The following VAV2 variants were observed in gnomAD, a reference collection of about 807,000 sequenced individuals.
The protein encoded by VAV2 is guanine nucleotide exchange factor VAV2.
In VAV2, 67 loss-of-function variants were observed where a neutral mutation model predicts 132.5. That is an observed-to-expected ratio of 0.51 (90% CI 0.42 to 0.62). The LOEUF is 0.62. Ranked by LOEUF, VAV2 falls within the 20% of genes least tolerant of loss-of-function variation. The pLI is 0.00. For missense variants in VAV2, 938 were observed against 1,153.6 expected (o/e 0.81, Z 2.71); for synonymous variants, 492 against 443.5 (o/e 1.11, Z -1.37).
chr9:133,851,114 C>T (rs1837151116), intron 3 of VAV2, among the ~76,000 whole-genome samples: 1 of 152,234 alleles, frequency 6.6e-6, no homozygotes, highest in East Asian at 1.9e-4. Flanking sequence ...GCTCTGCGGG[C>T]TTTAGGGGAT....
intron 4 of VAV2, among the ~76,000 whole-genome samples, chr9:133,822,500 C>T (rs539262276): frequency 2.0e-5 from 3 of 152,290 alleles, no homozygotes; most frequent in African/African-American, 7.2e-5. Flanking sequence ...GACAGACAGA[C>T]AAGAACCGCT....
intron 2 of VAV2, among the ~76,000 whole-genome samples, chr9:133,914,261 C>T (rs559723875): frequency 6.6e-6 from 1 of 152,130 alleles, no homozygotes; most frequent in South Asian, 2.1e-4. Context: ...CAATCCCGCT[C>T]CTGGGTATGT....
intron 12 of VAV2, among the ~76,000 whole-genome samples, chr9:133,793,818 CA>C (rs1383856454): frequency 6.6e-6 from 1 of 152,154 alleles, no homozygotes; most frequent in Non-Finnish European, 1.5e-5. Flanking sequence ...CGCTGCCGTA[CA>C]AGGAGTGAGC....
intron 3 of VAV2, among the ~76,000 whole-genome samples, chr9:133,845,627 CG>C (rs1564400601): frequency 6.6e-6 from 1 of 152,192 alleles, no homozygotes; most frequent in Non-Finnish European, 1.5e-5. Flanking sequence ...CCTAGTGTGA[CG>C]GGGCCTCACG....
In VAV2 at chr9:133,919,998, G is replaced by A. The variant is rs549114918; in HGVS notation, c.321+19105C>T. Among the ~76,000 whole-genome samples, 43 of 152,294 alleles carry A rather than the reference G, an allele frequency of 2.8e-4. No individual in the cohort carries two copies. The highest frequency in any genetic ancestry group is 8.2e-4 in the African/African-American group (34 of 41,564). ...GCACCTGTTCTCTGCGCTGAGCCAC[G>A]TGCCAGGAGGCCAGACAGGCCTGGG... On this transcript the variant is annotated intron_variant, in intron 2 of 29. Transcript: ENST00000371850. This position sits in a 1 kb window ranked among gnomAD's most constrained non-coding sequence, Gnocchi z 5.8.
Position 133,797,787 on chromosome 9 carries a change from A to C in VAV2, c.859T>G (p.Cys287Gly). 6.2e-7 allele frequency: 1 copy of C among 1,614,022 alleles called. No individual in the cohort carries two copies. Among genetic ancestry groups the C allele is most frequent in the South Asian group, 1.1e-5 (1 of 91,064 alleles). The change falls in exon 10 of 30, where the codon TGC becomes GGC. Residue 287 changes from cysteine (C) to glycine (G), a missense_variant. Coordinates refer to ENST00000371850, the MANE Select transcript of VAV2 (RefSeq NM_001134398.2). ...TTCTGGGCGTGCTCCATGTGGCTGCAGTACTCCCCGTAGATCAGAAGCCTG... is the reference window on the plus strand; with the variant it reads ...TTCTGGGCGTGCTCCATGTGGCTGCCGTACTCCCCGTAGATCAGAAGCCTG... ...KERLLIYGEY[C>G]SHMEHAQNTL...
chr9:133,859,027 C>A (rs377400895), intron 3 of VAV2, among the ~76,000 whole-genome samples: 5 of 152,108 alleles, frequency 3.3e-5, no homozygotes, highest in African/African-American at 1.2e-4. Flanking sequence ...CTGGGAGGAG[C>A]GGCAGCGTGA....
chr9:133,982,667 C>T (rs1842735610), intron 1 of VAV2, among the ~76,000 whole-genome samples: 1 of 152,006 alleles, frequency 6.6e-6, no homozygotes, highest in African/African-American at 2.4e-5. Flanking sequence ...TTGCAGGGCG[C>T]GCCGCCTGGT....
At chr9:133,882,569 T>C (rs1417786368) in intron 2 of VAV2, among the ~76,000 whole-genome samples, 1 of 152,078 alleles carries the variant, frequency 6.6e-6, no homozygotes, top group Non-Finnish European at 1.5e-5. Flanking sequence ...GGAGGCCATG[T>C]GAAGTCAGAT....
intron 1 of VAV2, among the ~76,000 whole-genome samples, chr9:133,953,310 A>C (rs981158184): frequency 6.6e-6 from 1 of 152,240 alleles, no homozygotes; most frequent in African/African-American, 2.4e-5. Context: ...GTGCCCCCCA[A>C]GCCCACCACA....
intron 5 of VAV2, 26 bp from the exon 6 acceptor site, chr9:133,810,231 A>T: frequency 1.9e-6 from 3 of 1,613,194 alleles, no homozygotes; most frequent in Non-Finnish European, 2.5e-6. Flanking sequence ...AAGAACCAGA[A>T]ACAGCGCCGG....
intron 16 of VAV2, among the ~76,000 whole-genome samples, chr9:133,786,366 G>A (rs1053221609): frequency 1.9e-5 from 2 of 106,056 alleles, no homozygotes; most frequent in Admixed American, 1.8e-4. Flanking sequence ...GTGCTCTCCT[G>A]TGTGTGCTCT....
intron 1 of VAV2, among the ~76,000 whole-genome samples, chr9:133,944,267 G>A (rs1452985846): frequency 2.0e-5 from 3 of 152,098 alleles, no homozygotes; most frequent in Admixed American, 6.6e-5. Flanking sequence ...TACTGGCAAC[G>A]GGTCACCGGC....
intron 2 of VAV2, among the ~76,000 whole-genome samples, chr9:133,900,763 CTTGATTTA>C (rs71499168): frequency 2.2e-5 from 3 of 136,600 alleles, no homozygotes; most frequent in Non-Finnish European, 3.1e-5. Flanking sequence ...TACCTCCTGT[CTTGATTTA>C]TTTATTTATT....
chr9:133,819,973 A>T (rs1835720700), intron 4 of VAV2, among the ~76,000 whole-genome samples: 1 of 152,264 alleles, frequency 6.6e-6, no homozygotes, highest in South Asian at 2.1e-4. Context: ...TTAGTAATTA[A>T]GATAAAAACC....
intron 1 of VAV2, among the ~76,000 whole-genome samples, chr9:133,978,242 T>C (rs956410559): frequency 1.3e-5 from 2 of 152,180 alleles, no homozygotes; most frequent in African/African-American, 2.4e-5. Context: ...ACCTCCTCCA[T>C]TGCAGGCTGG....
chr9:133,911,277 C>T (rs978298725), intron 2 of VAV2, among the ~76,000 whole-genome samples: 14 of 152,302 alleles, frequency 9.2e-5, no homozygotes, highest in East Asian at 1.9e-4. Context: ...GCGTGCTGCC[C>T]GGGAGAACTT....
chr9:133,883,565 G>A lies in VAV2; in HGVS notation c.322-22133C>T, dbSNP rs1838584649. Among the ~76,000 whole-genome samples, 1 of 152,090 alleles carries A rather than the reference G, an allele frequency of 6.6e-6. No homozygotes were observed. The highest frequency in any genetic ancestry group is 2.1e-4 in the South Asian group (1 of 4,824). ...GCCACGGCAGGCAGACAGCCCAGCA[G>A]AGACTCCCAAGTCATCCCCAGCCAC... On this transcript the variant is annotated intron_variant, in intron 2 of 29. Coordinates refer to ENST00000371850, the MANE Select transcript of VAV2 (RefSeq NM_001134398.2). This position sits in a 1 kb window ranked among gnomAD's most constrained non-coding sequence, Gnocchi z 4.2.
At position 133,811,085 on chromosome 9, in the gene VAV2, G is replaced by A. The variant is rs1246012897; in HGVS notation, c.553-880C>T. ...TAACAGCTACCCAGCCAGGCTCCCC[G>A]GGAAGGCAAACTGGAGGCCCTGCTG... On this transcript the variant is annotated intron_variant, in intron 5 of 29. Transcript: ENST00000371850. Among the ~76,000 whole-genome samples the A allele has an allele frequency of 3.3e-5, 5 of 152,224 alleles. No individual in the cohort carries two copies. The South Asian group carries it at 1.0e-3, about 31-fold the overall frequency.
Sources: gnomAD v4.1 joint callset for allele counts (sites outside exome capture counted in the v4.1 genomes callset) on GRCh38, gnomAD v4.1.1 for gene constraint, Gnocchi (gnomAD v3.1) non-coding constraint, MANE v1.5 for transcripts, NCBI Gene and HGNC (gene_info 2026-07-23, HGNC 2026-07-21) for gene names.